ATG2B: variants seen among roughly 807,000 people sequenced by gnomAD.
The protein encoded by ATG2B is autophagy related 2B, also known as autophagy-related protein 2 homolog B.
Under a neutral mutation model 241.3 loss-of-function variants are expected in ATG2B, and 121 were observed. That is an observed-to-expected ratio of 0.50 (90% CI 0.43 to 0.58). ATG2B has a LOEUF of 0.58. Ranked by LOEUF, ATG2B falls within the 20% of genes least tolerant of loss-of-function variation. The probability of loss-of-function intolerance (pLI) is 0.00; values close to 1 mark genes in which losing one functional copy is unlikely to be tolerated. For synonymous variants in ATG2B, 858 were observed against 876.6 expected (o/e 0.98, Z 0.37); for missense variants, 2,306 against 2,491.6 (o/e 0.93, Z 1.59).
chr14:96,329,124 T>A (rs1887663173), intron 12 of ATG2B, among the ~76,000 whole-genome samples: 1 of 152,166 alleles, frequency 6.6e-6, no homozygotes. Flanking sequence ...CACAAGACAT[T>A]TAACTTGTCT....
chr14:96,288,489 T>A (rs2139834090), intron 41 of ATG2B, among the ~76,000 whole-genome samples: 1 of 152,320 alleles, frequency 6.6e-6, no homozygotes, highest in Non-Finnish European at 1.5e-5. Flanking sequence ...CAAATCTGAC[T>A]GGTAATTATC....
chr14:96,317,942 A>T lies in ATG2B; in HGVS notation c.2880-87T>A, dbSNP rs376949170. On this transcript the variant is annotated intron_variant, in intron 18 of 41. Coordinates refer to ENST00000359933, the MANE Select transcript of ATG2B (RefSeq NM_018036.7). ...AAAAAAAATCCTTTTAAAAGATCGT[A>T]TGAACAATAATTTTTTAAACGGCAA... 5.9e-6 allele frequency: 6 copies of T among 1,015,806 alleles called. No individual in the cohort carries two copies. In the East Asian group the frequency reaches 7.6e-5, roughly 13 times the overall value. The allele number at this position is 1,015,806 out of a possible 1,614,324, so 62.9% of individuals were successfully genotyped here. A position where few individuals can be genotyped will look rare whatever the true frequency, so the allele number is the denominator to read the frequency against.
intron 33 of ATG2B, 76 bp from the exon 34 acceptor site, chr14:96,302,184 A>T: frequency 1.1e-6 from 1 of 939,788 alleles, no homozygotes. Flanking sequence ...TAAGAAAAAA[A>T]AAGAAAAATT....
chr14:96,309,361 T>C, intron 29 of ATG2B, 92 bp downstream of exon 29: 1 of 1,466,434 alleles, frequency 6.8e-7, no homozygotes, highest in Non-Finnish European at 9.2e-7. Context: ...CATATGCGTC[T>C]TTAATAAGTG....
chr14:96,294,695 G>T (rs951094901), intron 36 of ATG2B, among the ~76,000 whole-genome samples: 1 of 152,162 alleles, frequency 6.6e-6, no homozygotes, highest in Admixed American at 6.5e-5. Context: ...AGGGGACAGA[G>T]GAGAGAAAAA....
At chr14:96,343,027 C>T in intron 5 of ATG2B, 92 bp downstream of exon 5, 1 of 874,576 alleles carries the variant, frequency 1.1e-6, no homozygotes, top group Non-Finnish European at 1.7e-6. Context: ...TTCATTAAGA[C>T]ATATTATACA....
intron 29 of ATG2B, among the ~76,000 whole-genome samples, chr14:96,309,186 C>T (rs1887082483): frequency 6.6e-6 from 1 of 152,160 alleles, no homozygotes; most frequent in African/African-American, 2.4e-5. Context: ...TAAGTACTGG[C>T]ACCAGTTTTG....
Position 96,289,993 on chromosome 14 carries a change from T to C in ATG2B, c.5857-188A>G. The stretch of plus-strand genomic sequence containing the variant: ...CTTTTATAACGAGAACATAAAAGTA[T>C]AAATTAATAACTAACACCTGGATTG... On this transcript the variant is annotated intron_variant, in intron 40 of 41. Coordinates refer to ENST00000359933, the MANE Select transcript of ATG2B (RefSeq NM_018036.7). This position sits in a 1 kb window ranked among gnomAD's most constrained non-coding sequence, Gnocchi z 4.3. 1.1e-6 allele frequency: 1 copy of C among 871,876 alleles called. No homozygotes were observed. Among genetic ancestry groups the C allele is most frequent in the Non-Finnish European group, 1.7e-6 (1 of 600,840 alleles). The allele number at this position is 871,876 out of a possible 1,614,324, so 54.0% of individuals were successfully genotyped here. A position where few individuals can be genotyped will look rare whatever the true frequency, so the allele number is the denominator to read the frequency against.
chr14:96,306,577 C>A, intron 30 of ATG2B, 137 bp downstream of exon 30: 2 of 676,262 alleles, frequency 3.0e-6, no homozygotes, highest in Non-Finnish European at 4.8e-6. Flanking sequence ...CACCAACTGT[C>A]AATAGTATAT....
Position 96,329,345 on chromosome 14 carries a change from C to G in ATG2B, c.1881+139G>C, listed in dbSNP as rs143905803. On this transcript the variant is annotated intron_variant, in intron 12 of 41. Coordinates refer to ENST00000359933, the MANE Select transcript of ATG2B (RefSeq NM_018036.7). ...CATTCTTAAATATATTTCTATAGAA[C>G]ACAAGTGCAAAAAGAAAATGACAAT... 2.2e-3 allele frequency: 1,211 copies of G among 539,058 alleles called. 15 individuals are homozygous for G. Among genetic ancestry groups the G allele is most frequent in the African/African-American group, 0.022 (1,117 of 51,438 alleles). 33.4% of individuals were successfully genotyped at this position (539,058 alleles called of 1,614,324 possible). A position where few individuals can be genotyped will look rare whatever the true frequency, so the allele number is the denominator to read the frequency against.
At chr14:96,292,121 G>T (rs1332401799) in intron 36 of ATG2B, 23 bp from the exon 37 acceptor site, 8 of 1,503,896 alleles carry the variant, frequency 5.3e-6, no homozygotes, top group Admixed American at 3.7e-5. Context: ...GAAGGAGGGA[G>T]TTATTTACAT....
Position 96,325,763 on chromosome 14 carries a change from G to A in ATG2B, c.2323C>T (p.Leu775Phe), listed in dbSNP as rs1887572336. The change falls in exon 15 of 42, where the codon CTT (leucine) becomes TTT (phenylalanine). Residue 775 changes from leucine to phenylalanine, a missense_variant. Coordinates refer to ENST00000359933, the MANE Select transcript of ATG2B (RefSeq NM_018036.7). ...GCTAAATAAAGGATCTCCTTCTGAA[G>A]TGACTTCTTAAACCATGGTCCTCTT... ...QERGPWFKKS[L>F]QKEILYLAFT... 2 of 1,613,854 alleles carry A rather than the reference G, an allele frequency of 1.2e-6. No individual in the cohort carries two copies. Among genetic ancestry groups the A allele is most frequent in the Middle Eastern group, 1.6e-4 (1 of 6,080 alleles).
In ATG2B at chr14:96,281,536, A is replaced by G. The variant is rs1359294546; in HGVS notation, c.*4219T>C. ...ACTAGACACCCCTACCAAATTTCTCAATGAAAAAGCAAATAGCCCTGGGTG... is the reference window on the plus strand; with the variant it reads ...ACTAGACACCCCTACCAAATTTCTCGATGAAAAAGCAAATAGCCCTGGGTG... On this transcript the variant is annotated 3_prime_UTR_variant, in exon 42 of 42. Transcript: ENST00000359933. 6.6e-6 allele frequency: 1 copy of G among 152,192 alleles called. No homozygotes were observed. Among genetic ancestry groups the G allele is most frequent in the Non-Finnish European group, 1.5e-5 (1 of 68,014 alleles). 9.4% of individuals were successfully genotyped at this position (152,192 alleles called of 1,614,324 possible).
chr14:96,330,091 T>C (rs1420162429), intron 11 of ATG2B, among the ~76,000 whole-genome samples: 1 of 149,348 alleles, frequency 6.7e-6, no homozygotes, highest in Non-Finnish European at 1.5e-5. Context: ...GGCTCATGCC[T>C]GTAATCCCAG....
chr14:96,358,325 C>T (rs1250635119), intron 1 of ATG2B, among the ~76,000 whole-genome samples: 1 of 151,942 alleles, frequency 6.6e-6, no homozygotes, highest in Non-Finnish European at 1.5e-5. Context: ...TAGTCCCCAC[C>T]TACTCAGGAG....
intron 2 of ATG2B, among the ~76,000 whole-genome samples, 182 bp downstream of exon 2, chr14:96,346,997 G>A (rs749714448): frequency 2.5e-4 from 38 of 151,928 alleles, no homozygotes; most frequent in Non-Finnish European, 4.6e-4. Flanking sequence ...GTGAAAAATC[G>A]GGGAAAGAAA....
Position 96,322,573 on chromosome 14 carries a change from A to C in ATG2B, c.2703T>G (p.Phe901Leu). Reference protein sequence around the residue: ...CDLRRPAPSPFSSRRVMFENE... With the variant: ...CDLRRPAPSPLSSRRVMFENE... ...TTTCAAACATTACTCTACGAGAAGA[A>C]AAAGGAGATGGGGCTGGTCTTCTTA... Residue 901 changes from phenylalanine to leucine, a missense_variant, in exon 17 of 42, where the codon TTT becomes TTG. This residue lies in a region of ATG2B where 1,927 missense variants were observed against 2,011.2 expected (regional missense o/e 0.96). Transcript: ENST00000359933. 6.2e-7 allele frequency: 1 copy of C among 1,612,748 alleles called. No individual in the cohort carries two copies. The highest frequency in any genetic ancestry group is 8.5e-7 in the Non-Finnish European group (1 of 1,179,666).
In ATG2B at chr14:96,313,134, G is replaced by A. The variant is rs775911821; in HGVS notation, c.3773C>T (p.Ser1258Phe). Residue 1258 changes from serine (S) to phenylalanine (F), a missense_variant, in exon 25 of 42, where the codon TCT (serine) becomes TTT (phenylalanine). By Grantham distance (155) the Ser-to-Phe change is radical (BLOSUM62 -2). This residue lies in a region of ATG2B where 1,927 missense variants were observed against 2,011.2 expected (regional missense o/e 0.96). Transcript: ENST00000359933. ...DYRPLYLPIR[S>F]LLTVETFSVS... Reference sequence around the variant, plus strand: ...ACTGAATGTTTCCACGGTAAGAAGAGATCGGATTGGCAAATAAAGGGGTCT... The same window carrying A: ...ACTGAATGTTTCCACGGTAAGAAGAAATCGGATTGGCAAATAAAGGGGTCT... 1.2e-6 allele frequency: 2 copies of A among 1,613,288 alleles called. No homozygotes were observed. Among genetic ancestry groups the A allele is most frequent in the Non-Finnish European group, 1.7e-6 (2 of 1,179,610 alleles).
In ATG2B at chr14:96,363,299, C is replaced by A; in HGVS notation, c.-323G>T. ...GAGGCAGCCACCGCCACTGCCGCCG[C>A]GCGACGAATTTGTTGTCATCCGCGA... On this transcript the variant is annotated 5_prime_UTR_variant, in exon 1 of 42. Transcript: ENST00000359933. 1 of 274,776 alleles carries A rather than the reference C, an allele frequency of 3.6e-6. No homozygotes were observed. The highest frequency in any genetic ancestry group is 7.0e-6 in the Non-Finnish European group (1 of 142,696). 17.0% of individuals were successfully genotyped at this position (274,776 alleles called of 1,614,324 possible).
Sources: allele counts gnomAD v4.1 joint callset (sites outside exome capture counted in the v4.1 genomes callset), GRCh38; gene constraint gnomAD v4.1.1; regional missense constraint gnomAD v4.1.1; non-coding constraint Gnocchi (gnomAD v3.1); transcripts MANE v1.5; gene names NCBI Gene and HGNC (gene_info 2026-07-23, HGNC 2026-07-21).